The following EVL variants were observed in gnomAD, a reference collection of about 807,000 sequenced individuals.
EVL encodes the protein Enah/Vasp-like.
Under a neutral mutation model 59.6 loss-of-function variants are expected in EVL, and 21 were observed. The ratio of observed to expected loss-of-function variants is 0.35; its 90% CI spans 0.25 to 0.51. EVL has a LOEUF of 0.51. Ranked by LOEUF, EVL falls within the 20% of genes least tolerant of loss-of-function variation. The pLI is 0.97. For synonymous variants in EVL, 198 were observed against 203.5 expected, an observed-to-expected ratio of 0.97 and a Z score of 0.23; for missense variants, 462 against 546.6, an observed-to-expected ratio of 0.85 and a Z score of 1.54.
chr14:100,065,338 T>A, upstream of EVL: 5 of 655,550 alleles, frequency 7.6e-6, no homozygotes, highest in Non-Finnish European at 1.1e-5. Context: ...TGGGTTTGTT[T>A]CCCCTTTGTC....
intron 3 of EVL, among the ~76,000 whole-genome samples, chr14:100,123,218 G>T (rs1334232856): frequency 2.0e-5 from 3 of 152,248 alleles, no homozygotes; most frequent in Admixed American, 1.3e-4. Context: ...GTGGTGGCCA[G>T]CAAGAAGGTC....
chr14:100,072,833 G>A (rs1272405249), intron 1 of EVL, among the ~76,000 whole-genome samples: 2 of 152,210 alleles, frequency 1.3e-5, no homozygotes, highest in African/African-American at 4.8e-5. Flanking sequence ...AAAGCAGGAA[G>A]TAAAAGTTGG....
chr14:100,141,941 T>G, intron 13 of EVL, 148 bp downstream of exon 13: 1 of 580,190 alleles, frequency 1.7e-6, no homozygotes, highest in Non-Finnish European at 2.8e-6. Flanking sequence ...CATCTCTAGT[T>G]GAGGAAACAG....
At chr14:99,982,502 G>A (rs2060813826) in intron 1 of EVL, among the ~76,000 whole-genome samples, 1 of 152,172 alleles carries the variant, frequency 6.6e-6, no homozygotes, top group African/African-American at 2.4e-5. Flanking sequence ...TTAACTTGGA[G>A]GTTCTCCCAA....
chr14:100,123,749 G>A, intron 4 of EVL, 147 bp downstream of exon 4: 2 of 733,620 alleles, frequency 2.7e-6, no homozygotes, highest in Non-Finnish European at 2.2e-6. Context: ...GTGCAAGCCA[G>A]ACCAGGAAGA....
chr14:100,087,281 A>G (rs2062465935), intron 2 of EVL, among the ~76,000 whole-genome samples: 1 of 152,258 alleles, frequency 6.6e-6, no homozygotes, highest in African/African-American at 2.4e-5. Flanking sequence ...ATTCAGGGTG[A>G]CAAACCTAAA....
intron 3 of EVL, among the ~76,000 whole-genome samples, chr14:100,099,891 A>G (rs1180735013): frequency 1.3e-5 from 2 of 150,008 alleles, no homozygotes; most frequent in Non-Finnish European, 2.9e-5. Context: ...TTTTACTTGT[A>G]CATGCAGATA....
chr14:100,079,964 T>C (rs2062258257), intron 1 of EVL, among the ~76,000 whole-genome samples: 1 of 152,202 alleles, frequency 6.6e-6, no homozygotes, highest in South Asian at 2.1e-4. Flanking sequence ...TATGTAATAG[T>C]TTTATCTTGA....
intron 1 of EVL, among the ~76,000 whole-genome samples, chr14:99,983,463 T>G (rs1453560314): frequency 6.6e-6 from 1 of 152,190 alleles, no homozygotes; most frequent in Admixed American, 6.5e-5. Context: ...TCTAAAGGTG[T>G]GTTTCCTATG....
At chr14:100,134,616 T>A (rs1290131049) in intron 8 of EVL, 1 of 152,280 alleles carries the variant, frequency 6.6e-6, no homozygotes, top group Non-Finnish European at 1.5e-5. Flanking sequence ...CTCGTTTTCT[T>A]GTTCATGCTT....
intron 1 of EVL, among the ~76,000 whole-genome samples, chr14:100,006,020 C>T (rs796709181): frequency 3.3e-5 from 5 of 151,092 alleles, no homozygotes; most frequent in African/African-American, 7.3e-5. Flanking sequence ...CCCCCCCCCC[C>T]CCCACACCGA....
At chr14:100,027,653 G>T (rs1205769685) in intron 1 of EVL, among the ~76,000 whole-genome samples, 1 of 151,686 alleles carries the variant, frequency 6.6e-6, no homozygotes, top group Admixed American at 6.6e-5. Flanking sequence ...CCATTCATCT[G>T]TTGTTGGACG....
At chr14:100,053,774 G>T (rs931170816) in intron 1 of EVL, among the ~76,000 whole-genome samples, 3 of 152,030 alleles carry the variant, frequency 2.0e-5, no homozygotes, top group African/African-American at 7.3e-5. Context: ...TCAGCCTCCT[G>T]AGTAGCTGGG....
intron 13 of EVL, among the ~76,000 whole-genome samples, chr14:100,142,805 T>C (rs1452244195): frequency 6.6e-6 from 1 of 152,202 alleles, no homozygotes; most frequent in Admixed American, 6.5e-5. Context: ...CTCAGCCAAC[T>C]GGTCACACCG....
intron 1 of EVL, among the ~76,000 whole-genome samples, chr14:99,989,824 T>TA (rs1352871887): frequency 6.6e-6 from 1 of 152,264 alleles, no homozygotes; most frequent in Non-Finnish European, 1.5e-5. Flanking sequence ...TCATAGCTGT[T>TA]ATCTGTGGCA....
chr14:99,995,221 C>G (rs1379951669), intron 1 of EVL, among the ~76,000 whole-genome samples: 1 of 152,128 alleles, frequency 6.6e-6, no homozygotes, highest in East Asian at 1.9e-4. Flanking sequence ...GGCTCTCTGC[C>G]TCTTTGTCTT....
Position 100,135,942 on chromosome 14 carries a change from C to T in EVL, c.938C>T (p.Ala313Val). The change falls in exon 9 of 14, where the codon GCA becomes GTA. Residue 313 changes from alanine (A) to valine (V), a missense_variant. Transcript: ENST00000392920. ...ACCTCCCCCTCTCCGGGGACCCGAG[C>T]AGCCAGCCAGCCACCTAACTCCTCA... ...PSTSPSPGTR[A>V]ASQPPNSSEA... is the part of the protein sequence containing the mutation. 1.2e-6 allele frequency: 2 copies of T among 1,613,794 alleles called. No individual in the cohort carries two copies. The highest frequency in any genetic ancestry group is 1.7e-6 in the Non-Finnish European group (2 of 1,179,998).
intron 1 of EVL, among the ~76,000 whole-genome samples, chr14:99,994,266 T>G (rs928543472): frequency 6.6e-5 from 10 of 152,030 alleles, no homozygotes. Context: ...CCATTTACAT[T>G]AAAGTAATTA....
chr14:100,034,450 G>T (rs1213625161), intron 1 of EVL, among the ~76,000 whole-genome samples: 1 of 151,950 alleles, frequency 6.6e-6, no homozygotes, highest in Admixed American at 6.6e-5. Flanking sequence ...TCTGGACCTG[G>T]CAATTAGAAG....
Sources: gnomAD v4.1 joint callset for allele counts (sites outside exome capture counted in the v4.1 genomes callset) on GRCh38, gnomAD v4.1.1 for gene constraint, MANE v1.5 for transcripts, NCBI Gene and HGNC (gene_info 2026-07-23, HGNC 2026-07-21) for gene names.